The following GRID1 variants were observed in gnomAD, a reference collection of about 807,000 sequenced individuals.
The protein encoded by GRID1 is glutamate receptor ionotropic, delta-1.
Under a neutral mutation model 98.0 loss-of-function variants are expected in GRID1, and 28 were observed. That is an observed-to-expected ratio of 0.29 (90% confidence interval 0.21 to 0.39). GRID1 has a LOEUF of 0.39. Among genes scored for constraint, GRID1 ranks in the 10% least tolerant of loss-of-function variants. The pLI is 1.00. For missense variants in GRID1, 1,111 were observed against 1,340.5 expected, an observed-to-expected ratio of 0.83 and a Z score of 2.67; for synonymous variants, 553 against 538.5, an observed-to-expected ratio of 1.03 and a Z score of -0.37.
chr10:86,045,946 G>A (rs1335885576), intron 4 of GRID1, among the ~76,000 whole-genome samples: 1 of 152,146 alleles, frequency 6.6e-6, no homozygotes, highest in Non-Finnish European at 1.5e-5. Context: ...ACTTCCACTG[G>A]CCATGGACTT....
intron 2 of GRID1, among the ~76,000 whole-genome samples, chr10:86,287,019 G>T (rs902117512): frequency 6.6e-6 from 1 of 152,200 alleles, no homozygotes; most frequent in Non-Finnish European, 1.5e-5. Flanking sequence ...AGGCAGACAC[G>T]TGACTCCAGG....
chr10:86,088,032 G>A (rs1209205441), intron 4 of GRID1, among the ~76,000 whole-genome samples: 1 of 152,230 alleles, frequency 6.6e-6, no homozygotes, highest in Non-Finnish European at 1.5e-5. Flanking sequence ...ACCGCGGACT[G>A]TTCCAGCCCC....
intron 5 of GRID1, among the ~76,000 whole-genome samples, chr10:85,893,634 A>G (rs1841237431): frequency 6.6e-6 from 1 of 152,224 alleles, no homozygotes; most frequent in African/African-American, 2.4e-5. Context: ...ACCATTTACA[A>G]TTATAGGAAA....
intron 2 of GRID1, among the ~76,000 whole-genome samples, chr10:86,295,319 C>G (rs12258625): frequency 2.0e-5 from 3 of 152,112 alleles, no homozygotes; most frequent in Admixed American, 6.5e-5. Context: ...AGGGAGAGAA[C>G]TGCTGGGTGA....
intron 2 of GRID1, among the ~76,000 whole-genome samples, chr10:86,224,185 T>C (rs750300576): frequency 7.1e-6 from 1 of 141,692 alleles, no homozygotes; most frequent in Non-Finnish European, 1.6e-5. Context: ...ACTCCCAGCA[T>C]ACACAGATGC....
At chr10:86,273,711 C>G (rs1179352845) in intron 2 of GRID1, among the ~76,000 whole-genome samples, 20 of 152,212 alleles carry the variant, frequency 1.3e-4, no homozygotes, top group South Asian at 8.3e-4. Context: ...TAAATGTCTT[C>G]TTTTGAGAAG....
rs987674711 is a variant in GRID1 at position 86,206,473 on chromosome 10, C to T, written c.411G>A (p.Glu137=). ...GTGGTCTCGAAGCCAGTGTGTAGGC[C>T]TCACCATCGGGGCTGGGGTTCAGGT... ...ACHLNPSPDG[E]AYTLASRPPV... is the part of the protein sequence containing the mutation. Residue 137 remains glutamate, a synonymous_variant, in exon 3 of 16, where the codon GAG becomes GAA. Coordinates refer to ENST00000327946, the MANE Select transcript of GRID1 (RefSeq NM_017551.3). The surrounding 1 kb of genome is among the most constrained non-coding windows in gnomAD (Gnocchi z 4.1). 3.1e-6 allele frequency: 5 copies of T among 1,614,230 alleles called. No individual in the cohort carries two copies. The highest frequency in any genetic ancestry group is 1.3e-5 in the African/African-American group (1 of 75,060).
Position 86,290,376 on chromosome 10 carries a change from G to A in GRID1, c.235+73565C>T, listed in dbSNP as rs375043486. On this transcript the variant is annotated intron_variant, in intron 2 of 15. Transcript: ENST00000327946. ...TTAAAAGATGTTCCCGGCCAGGTGC[G>A]GTGGCTCATACCTGTAATTCCAGCA... Among the ~76,000 whole-genome samples, 259 of 152,280 alleles carry A rather than the reference G, an allele frequency of 1.7e-3. 1 individual carries two copies. Among genetic ancestry groups the A allele is most frequent in the African/African-American group, 6.0e-3 (248 of 41,548 alleles).
intron 4 of GRID1, among the ~76,000 whole-genome samples, chr10:86,017,940 G>C (rs1290623974): frequency 6.6e-6 from 1 of 152,150 alleles, no homozygotes; most frequent in Non-Finnish European, 1.5e-5. Flanking sequence ...GAGCCCAACA[G>C]ACCATGCCCA....
intron 12 of GRID1, among the ~76,000 whole-genome samples, chr10:85,694,556 A>G (rs1244219743): frequency 0.063 from 172 of 2,728 alleles, 2 homozygotes; most frequent in Non-Finnish European, 0.097. Context: ...GTGTGTATAT[A>G]TATATATATA....
intron 2 of GRID1, among the ~76,000 whole-genome samples, chr10:86,344,853 C>T (rs1848360162): frequency 6.6e-6 from 1 of 152,146 alleles, no homozygotes; most frequent in Admixed American, 6.5e-5. Flanking sequence ...CTGCTGGCAC[C>T]AGGCGGGAAC....
chr10:86,002,404 G>T (rs114185745), intron 4 of GRID1, among the ~76,000 whole-genome samples: 1 of 152,262 alleles, frequency 6.6e-6, no homozygotes, highest in African/African-American at 2.4e-5. Flanking sequence ...CCCCTGAGTT[G>T]TATGTTTTCC....
intron 8 of GRID1, among the ~76,000 whole-genome samples, chr10:85,737,874 G>A (rs1399487898): frequency 6.6e-6 from 1 of 151,504 alleles, no homozygotes; most frequent in Admixed American, 6.6e-5. Flanking sequence ...CCACTCCAAG[G>A]AGAGACAGGA....
intron 13 of GRID1, among the ~76,000 whole-genome samples, chr10:85,634,896 C>T (rs1244731319): frequency 6.9e-6 from 1 of 145,854 alleles, no homozygotes; most frequent in Non-Finnish European, 1.5e-5. Flanking sequence ...CAATAATATT[C>T]AATGGAACAA....
chr10:85,803,619 A>G lies in GRID1; in HGVS notation c.1233+50877T>C, dbSNP rs1393667239. On this transcript the variant is annotated intron_variant, in intron 8 of 15. Transcript: ENST00000327946. Reference sequence around the variant, plus strand: ...CATTTTCAAAAAAAAAGCTCTAAATAAAGAAATTTAAGCAACATATGTGAA... The same window carrying G: ...CATTTTCAAAAAAAAAGCTCTAAATGAAGAAATTTAAGCAACATATGTGAA... 2.0e-5 allele frequency among the ~76,000 whole-genome samples: 3 copies of G among 152,220 alleles called. No individual in the cohort carries two copies. The East Asian group carries it at 5.8e-4, about 29-fold the overall frequency.
intron 12 of GRID1, among the ~76,000 whole-genome samples, chr10:85,656,412 C>A (rs935172518): frequency 5.9e-5 from 9 of 152,180 alleles, no homozygotes; most frequent in African/African-American, 2.2e-4. Flanking sequence ...ACTTTTGCCA[C>A]AATCTCATCA....
At chr10:86,050,281 T>C (rs548983111) in intron 4 of GRID1, among the ~76,000 whole-genome samples, 1 of 152,382 alleles carries the variant, frequency 6.6e-6, no homozygotes, top group Admixed American at 6.5e-5. Context: ...GAATTTACAA[T>C]GCTCAAAAGT....
At chr10:85,684,656 T>C (rs1841248377) in intron 12 of GRID1, among the ~76,000 whole-genome samples, 2 of 152,212 alleles carry the variant, frequency 1.3e-5, no homozygotes, top group South Asian at 4.1e-4. Flanking sequence ...TAAAAGCTTT[T>C]CCTTTGAGAG....
At chr10:86,155,625 TG>T (rs934602945) in intron 3 of GRID1, among the ~76,000 whole-genome samples, 3 of 152,222 alleles carry the variant, frequency 2.0e-5, no homozygotes, top group African/African-American at 7.2e-5. Context: ...CACAGGTTCC[TG>T]GGGCAATCAG....
Sources: gnomAD v4.1 joint callset for allele counts (sites outside exome capture counted in the v4.1 genomes callset) on GRCh38, gnomAD v4.1.1 for gene constraint, Gnocchi (gnomAD v3.1) non-coding constraint, MANE v1.5 for transcripts, NCBI Gene and HGNC (gene_info 2026-07-23, HGNC 2026-07-21) for gene names.